CD163L1: variants seen among roughly 807,000 people sequenced by gnomAD.
CD163L1 encodes scavenger receptor cysteine-rich type 1 protein M160.
In CD163L1, 124 loss-of-function variants were observed where a neutral mutation model predicts 165.4. The observed-to-expected ratio is 0.75, with a 90% confidence interval of 0.65 to 0.87. The LOEUF is 0.87. Ranked by LOEUF, CD163L1 falls within the 40% of genes least tolerant of loss-of-function variation. CD163L1 has a pLI of 0.00. For missense variants in CD163L1, 1,525 were observed against 1,799.9 expected, an observed-to-expected ratio of 0.85 and a Z score of 2.76; for synonymous variants, 585 against 662.2, an observed-to-expected ratio of 0.88 and a Z score of 1.79.
intron 4 of CD163L1, among the ~76,000 whole-genome samples, chr12:7,425,844 T>G (rs1203709679): frequency 6.6e-6 from 1 of 151,944 alleles, no homozygotes; most frequent in African/African-American, 2.4e-5. Context: ...GGCGAGGATG[T>G]GGAGATGTAA....
In CD163L1 at chr12:7,400,421, T is replaced by C. The variant is rs1947894128; in HGVS notation, c.1409-1837A>G. Among the ~76,000 whole-genome samples the C allele has an allele frequency of 6.6e-6, 1 of 152,146 alleles. No homozygotes were observed. The highest frequency in any genetic ancestry group is 1.5e-5 in the Non-Finnish European group (1 of 68,022). ...TTTTAATTCCTGATGCAAACAAATA[T>C]ATAAATGAAGTAGTGTATCCTGTTC... On this transcript the variant is annotated intron_variant, in intron 6 of 19. Transcript: ENST00000313599. The surrounding 1 kb of genome is among the most constrained non-coding windows in gnomAD (Gnocchi z 4.1).
Position 7,421,466 on chromosome 12 carries a change from T to TATATATACATATATGTAC in CD163L1, c.766+10932_766+10949dup, listed in dbSNP as rs1409136785. 6.5e-5 allele frequency among the ~76,000 whole-genome samples: 6 copies of TATATATACATATATGTAC among 92,878 alleles called. 1 individual carries two copies. Among genetic ancestry groups the TATATATACATATATGTAC allele is most frequent in the Middle Eastern group, 7.9e-3 (1 of 126 alleles). 60.9% of individuals were successfully genotyped at this position (92,878 alleles called of 152,430 possible). A position where few individuals can be genotyped will look rare whatever the true frequency, so the allele number is the denominator to read the frequency against. ...ATATACATATATGTACATATATACA[T>TATATATACATATATGTAC]ATATATACATATATGTACATATATA... On this transcript the variant is annotated intron_variant, in intron 4 of 19. Coordinates refer to ENST00000313599, the MANE Select transcript of CD163L1 (RefSeq NM_174941.6).
chr12:7,406,811 G>T lies in CD163L1; in HGVS notation c.808C>A (p.Arg270Ser). The change falls in exon 5 of 20, where the codon CGC becomes AGC. Residue 270 changes from arginine to serine, a missense_variant. By Grantham distance (110) the Arg-to-Ser change is moderately radical. Transcript: ENST00000313599. ...TTCAGCTCTACTCTCCCCATACAGC[G>T]GTTAGTTCCACCTACAAGCCTTAGT... ...LELRLVGGTN[R>S]CMGRVELKIQ... is the part of the protein sequence containing the mutation. The T allele has an allele frequency of 6.2e-7, 1 of 1,613,958 alleles. No homozygotes were observed. Among genetic ancestry groups the T allele is most frequent in the Non-Finnish European group, 8.5e-7 (1 of 1,179,962 alleles).
intron 1 of CD163L1, 135 bp downstream of exon 1, chr12:7,443,962 A>G (rs1431452113): frequency 1.2e-6 from 1 of 849,496 alleles, no homozygotes; most frequent in Non-Finnish European, 1.7e-6. Flanking sequence ...CAAAACTTTC[A>G]ATTTTTTTAT....
the CD163L1 span, among the ~76,000 whole-genome samples, chr12:7,320,151 T>C: frequency 4.6e-5 from 7 of 152,186 alleles, no homozygotes; most frequent in Non-Finnish European, 1.0e-4. Context: ...TCTAAAACAT[T>C]AGTATTTCTC....
chr12:7,381,314 G>A (rs1452168224), intron 8 of CD163L1, among the ~76,000 whole-genome samples: 2 of 152,242 alleles, frequency 1.3e-5, no homozygotes, highest in Non-Finnish European at 2.9e-5. Context: ...GACCTGGAAA[G>A]TCTGTCCTTT....
At chr12:7,399,303 T>C (rs1023671408) in intron 6 of CD163L1, among the ~76,000 whole-genome samples, 8 of 131,204 alleles carry the variant, frequency 6.1e-5, no homozygotes, top group South Asian at 2.5e-4. Context: ...TTTCTCTCCT[T>C]TCTTTCTTTT....
Position 7,432,633 on chromosome 12 carries a change from C to A in CD163L1, c.549G>T (p.Gly183=), listed in dbSNP as rs980572372. 2 of 1,614,152 alleles carry A rather than the reference C, an allele frequency of 1.2e-6. No individual in the cohort carries two copies. The highest frequency in any genetic ancestry group is 2.2e-5 in the East Asian group (1 of 44,884). ...QERWGTICDD[G]WNLNTAAVVC... ...CCACGGCAGCAGTATTCAAGTTCCA[C>A]CCATCATCACATATAGTTCCCCACC... Residue 183 remains glycine (G), a synonymous_variant, in exon 4 of 20, where the codon GGG becomes GGT. Coordinates refer to ENST00000313599, the MANE Select transcript of CD163L1 (RefSeq NM_174941.6). The surrounding 1 kb of genome is among the most constrained non-coding windows in gnomAD (Gnocchi z 4.2).
Position 7,375,297 on chromosome 12 carries a change from G to A in CD163L1, c.2985C>T (p.Val995=). 6.2e-7 allele frequency: 1 copy of A among 1,614,014 alleles called. No homozygotes were observed. Among genetic ancestry groups the A allele is most frequent in the Non-Finnish European group, 8.5e-7 (1 of 1,179,976 alleles). Residue 995 remains valine (V), a synonymous_variant, in exon 11 of 20, where the codon GTC becomes GTT. Coordinates refer to ENST00000313599, the MANE Select transcript of CD163L1 (RefSeq NM_174941.6). ...GAPPCIHGNT[V]SVICTGSLTQ... ...TTCTCTTACCTGTGCAGATCACAGA[G>A]ACAGTATTTCCATGGATACAGGGAG...
At position 7,398,230 on chromosome 12, in the gene CD163L1, T is replaced by A. The variant is rs1300082847; in HGVS notation, c.1729+34A>T. ...CTTCCTATGAGGAATACTATTTCTC[T>A]TATCAGGAAATAATAAACAAGAACA... On this transcript the variant is annotated intron_variant, in intron 7 of 19. Transcript: ENST00000313599. The surrounding 1 kb of genome is among the most constrained non-coding windows in gnomAD (Gnocchi z 4.5). 1 of 1,564,852 alleles carries A rather than the reference T, an allele frequency of 6.4e-7. No homozygotes were observed. Among genetic ancestry groups the A allele is most frequent in the Non-Finnish European group, 8.7e-7 (1 of 1,147,124 alleles).
At chr12:7,421,414 T>C (rs1355246897) in intron 4 of CD163L1, among the ~76,000 whole-genome samples, 1 of 104,782 alleles carries the variant, frequency 9.5e-6, no homozygotes, top group Non-Finnish European at 1.7e-5. Context: ...CTTCCAAATG[T>C]ATATATACAT....
chr12:7,342,514 C>T (rs1276307052), downstream of CD163L1, among the ~76,000 whole-genome samples: 2 of 152,134 alleles, frequency 1.3e-5, no homozygotes, highest in Non-Finnish European at 2.9e-5. Context: ...GCTGTGAGAC[C>T]CCTGATTTCC....
chr12:7,417,364 A>T (rs1200370487), intron 4 of CD163L1, among the ~76,000 whole-genome samples: 1 of 152,094 alleles, frequency 6.6e-6, no homozygotes, highest in Non-Finnish European at 1.5e-5. Context: ...ATGTGCAGAG[A>T]CTATTTGACT....
intron 6 of CD163L1, among the ~76,000 whole-genome samples, chr12:7,399,511 C>CTTCCTCTGCCTCCCTTTCCCTTCTTT (rs1947872311): frequency 6.9e-6 from 1 of 144,918 alleles, no homozygotes; most frequent in Non-Finnish European, 1.5e-5. Context: ...TTCCCTCCCT[C>CTTCCTCTGCCTCCCTTTCCCTTCTTT]CCTCCCTCTC....
chr12:7,369,773 G>A lies in CD163L1; in HGVS notation c.3731-108C>T. On this transcript the variant is annotated intron_variant, in intron 14 of 19. Coordinates refer to ENST00000313599, the MANE Select transcript of CD163L1 (RefSeq NM_174941.6). The surrounding 1 kb of genome is among the most constrained non-coding windows in gnomAD (Gnocchi z 4.9). ...AAATGTGCTTGATGAATATGGGTGT[G>A]GTAAGGAAGGCAGAATTTCAATGTT... 2 of 920,266 alleles carry A rather than the reference G, an allele frequency of 2.2e-6. No individual in the cohort carries two copies. The highest frequency in any genetic ancestry group is 5.9e-4 in the Middle Eastern group (2 of 3,408). The allele number at this position is 920,266 out of a possible 1,614,324, so 57.0% of individuals were successfully genotyped here.
the CD163L1 span, among the ~76,000 whole-genome samples, chr12:7,333,877 C>A: frequency 1.3e-5 from 2 of 152,182 alleles, no homozygotes; most frequent in East Asian, 1.9e-4. Context: ...CACAAATAAA[C>A]TAGAAAATCT....
chr12:7,421,328 G>T (rs1346644090), intron 4 of CD163L1, among the ~76,000 whole-genome samples: 1 of 92,580 alleles, frequency 1.1e-5, no homozygotes, highest in Admixed American at 1.3e-4. Context: ...AGATATATAT[G>T]TATATATATC....
At chr12:7,348,595 G>T (rs1443883818) in intron 4 of CD163L1, among the ~76,000 whole-genome samples, 1 of 152,016 alleles carries the variant, frequency 6.6e-6, no homozygotes, top group Non-Finnish European at 1.5e-5. Context: ...CCTTCAGCAA[G>T]TTACCTTTCT....
At chr12:7,378,851 G>T in intron 9 of CD163L1, 127 bp downstream of exon 9, 2 of 671,128 alleles carry the variant, frequency 3.0e-6, no homozygotes, top group Non-Finnish European at 2.4e-6. Flanking sequence ...ATAGAGGGTA[G>T]GATTACTTTT....
Sources: gnomAD v4.1 joint callset for allele counts (sites outside exome capture counted in the v4.1 genomes callset) on GRCh38, gnomAD v4.1.1 for gene constraint, Gnocchi (gnomAD v3.1) non-coding constraint, MANE v1.5 for transcripts, NCBI Gene and HGNC (gene_info 2026-07-23, HGNC 2026-07-21) for gene names.